Variants in MAGI1 observed in about 807,000 individuals in gnomAD.
The protein encoded by MAGI1 is membrane associated guanylate kinase, WW and PDZ domain containing 1.
In MAGI1, 58 loss-of-function variants were observed where a neutral mutation model predicts 139.9. The observed-to-expected ratio is 0.41, with a 90% CI of 0.34 to 0.52. The LOEUF (loss-of-function observed/expected upper bound fraction) is 0.52. Among genes scored for constraint, MAGI1 ranks in the 20% least tolerant of loss-of-function variants. The pLI is 0.12. For synonymous variants in MAGI1, 812 were observed against 737.9 expected, an observed-to-expected ratio of 1.10 and a Z score of -1.63; for missense variants, 1,874 against 1,901.6, an observed-to-expected ratio of 0.99 and a Z score of 0.27.
At chr3:65,950,059 CA>C (rs1264298678) in intron 1 of MAGI1, among the ~76,000 whole-genome samples, 1 of 13,464 alleles carries the variant, frequency 7.4e-5, no homozygotes, top group African/African-American at 4.3e-4. Context: ...AAAAAAAAAA[CA>C]AAAAAACAAA....
intron 1 of MAGI1, among the ~76,000 whole-genome samples, chr3:66,012,301 C>T (rs1236705426): frequency 6.6e-6 from 1 of 152,064 alleles, no homozygotes; most frequent in Non-Finnish European, 1.5e-5. Flanking sequence ...AGGAATTACA[C>T]CATGATCCAC....
rs1034342942 is a variant in MAGI1, at chr3:65,999,968, C to T, written c.313+38028G>A. Among the ~76,000 whole-genome samples the T allele has an allele frequency of 2.3e-5, 3 of 129,168 alleles. No homozygotes were observed. In the Admixed American group the frequency reaches 2.9e-4, roughly 13 times the overall value. The allele number at this position is 129,168 out of a possible 152,430, so 84.7% of individuals were successfully genotyped here. A position where few individuals can be genotyped will look rare whatever the true frequency, so the allele number is the denominator to read the frequency against. ...CTGGTTAATCAGGTCTTGTTCCCCCCACGCTTTTTTTTTTTTTTTTTTGAT... is the reference window on the plus strand; with the variant it reads ...CTGGTTAATCAGGTCTTGTTCCCCCTACGCTTTTTTTTTTTTTTTTTTGAT... On this transcript the variant is annotated intron_variant, in intron 1 of 22. Coordinates refer to ENST00000402939, the MANE Select transcript of MAGI1 (RefSeq NM_001033057.2).
chr3:65,442,879 A>T (rs1417683486), intron 7 of MAGI1, 30 bp from the exon 8 acceptor site: 1 of 1,583,646 alleles, frequency 6.3e-7, no homozygotes, highest in Non-Finnish European at 8.7e-7. Flanking sequence ...TTAGGGCAAG[A>T]AGAGCATATT....
intron 1 of MAGI1, among the ~76,000 whole-genome samples, chr3:65,733,228 T>C (rs1228183413): frequency 6.6e-6 from 1 of 152,082 alleles, no homozygotes; most frequent in Admixed American, 6.5e-5. Flanking sequence ...CCCGCTAATT[T>C]TTTGTATTTT....
Position 65,944,150 on chromosome 3 carries a change from A to C in MAGI1, c.313+93846T>G, listed in dbSNP as rs1007110898. Among the ~76,000 whole-genome samples, 6 of 152,196 alleles carry C rather than the reference A, an allele frequency of 3.9e-5. No individual in the cohort carries two copies. In the South Asian group the frequency reaches 8.3e-4, roughly 21 times the overall value. ...TTTTGCCATTTCTTAGTAAAATTTA[A>C]TAAAAAGTGACCCTGGATTATTTTT... is the stretch of plus-strand genomic sequence containing the variant. On this transcript the variant is annotated intron_variant, in intron 1 of 22. Coordinates refer to ENST00000402939, the MANE Select transcript of MAGI1 (RefSeq NM_001033057.2).
chr3:65,619,506 G>A (rs781677374), intron 2 of MAGI1, among the ~76,000 whole-genome samples: 13 of 152,054 alleles, frequency 8.5e-5, no homozygotes, highest in African/African-American at 1.4e-4. Context: ...TCAAAATACC[G>A]AAGTCAATGA....
intron 2 of MAGI1, among the ~76,000 whole-genome samples, chr3:65,551,052 G>A (rs1027442007): frequency 1.3e-5 from 2 of 152,184 alleles, no homozygotes; most frequent in Admixed American, 1.3e-4. Context: ...TGTGTCCAGG[G>A]AGAGACCTGT....
intron 13 of MAGI1, among the ~76,000 whole-genome samples, chr3:65,392,649 C>T (rs1254233249): frequency 6.6e-6 from 1 of 152,128 alleles, no homozygotes; most frequent in Admixed American, 6.5e-5. Context: ...CTTTCATTCC[C>T]CTGGAATTCT....
chr3:65,821,440 G>A (rs968512283), intron 1 of MAGI1, among the ~76,000 whole-genome samples: 6 of 152,086 alleles, frequency 3.9e-5, no homozygotes, highest in African/African-American at 1.4e-4. Context: ...CATGCTTCCT[G>A]GAAGTCAACA....
chr3:65,912,585 G>A (rs1176655332), intron 1 of MAGI1, among the ~76,000 whole-genome samples: 1 of 152,170 alleles, frequency 6.6e-6, no homozygotes, highest in East Asian at 1.9e-4. Context: ...GGAAAAGGAA[G>A]ACCAGCACCT....
chr3:65,886,343 A>G (rs2060530966), intron 1 of MAGI1, among the ~76,000 whole-genome samples: 1 of 152,232 alleles, frequency 6.6e-6, no homozygotes, highest in South Asian at 2.1e-4. Flanking sequence ...CATTTGGTAC[A>G]TCAAAGGGAT....
At chr3:65,791,027 G>A (rs998871145) in intron 1 of MAGI1, among the ~76,000 whole-genome samples, 2 of 151,876 alleles carry the variant, frequency 1.3e-5, no homozygotes, top group East Asian at 1.9e-4. Context: ...GTAAGCCAAG[G>A]TCGCATCACT....
At chr3:65,539,536 G>A (rs1160081151) in intron 2 of MAGI1, among the ~76,000 whole-genome samples, 1 of 152,192 alleles carries the variant, frequency 6.6e-6, no homozygotes, top group Non-Finnish European at 1.5e-5. Flanking sequence ...AAAGATGCCT[G>A]TGTCCTTTTA....
In MAGI1 at chr3:65,794,459, C is replaced by G. The variant is rs146838052; in HGVS notation, c.314-172371G>C. Among the ~76,000 whole-genome samples the G allele has an allele frequency of 3.2e-4, 49 of 152,308 alleles. No homozygotes were observed. In the East Asian group the frequency reaches 9.3e-3, roughly 29 times the overall value. On this transcript the variant is annotated intron_variant, in intron 1 of 22. Coordinates refer to ENST00000402939, the MANE Select transcript of MAGI1 (RefSeq NM_001033057.2). ...GCCCAGCAGCCACTTCCCCAGCCCC[C>G]ACCCATAACGCAGCCTCAATCTCTG...
intron 1 of MAGI1, among the ~76,000 whole-genome samples, chr3:65,737,107 C>T (rs971318319): frequency 2.0e-5 from 3 of 152,112 alleles, no homozygotes; most frequent in Admixed American, 6.5e-5. Flanking sequence ...TGGGTTCACA[C>T]CATTCTCCTG....
chr3:65,687,878 T>C, intron 1 of MAGI1: 1 of 630,746 alleles, frequency 1.6e-6, no homozygotes, highest in Admixed American at 1.8e-5. Flanking sequence ...CAGAACTCCG[T>C]TTGGATATCA....
intron 1 of MAGI1, among the ~76,000 whole-genome samples, chr3:65,956,659 T>G (rs1304766351): frequency 6.6e-6 from 1 of 152,180 alleles, no homozygotes; most frequent in Non-Finnish European, 1.5e-5. Flanking sequence ...ACCCATAGAC[T>G]ACTCGTGGTA....
intron 1 of MAGI1, among the ~76,000 whole-genome samples, chr3:65,799,596 G>A (rs1410794680): frequency 2.0e-5 from 3 of 152,138 alleles, no homozygotes; most frequent in Non-Finnish European, 2.9e-5. Context: ...GTATGGGGAA[G>A]AGCAAAGTAT....
At chr3:65,996,274 C>T (rs2107400717) in intron 1 of MAGI1, among the ~76,000 whole-genome samples, 2 of 152,250 alleles carry the variant, frequency 1.3e-5, no homozygotes, top group South Asian at 4.2e-4. Flanking sequence ...AGGTCTTCAC[C>T]TGCAACACAG....
Sources: allele counts gnomAD v4.1 joint callset (sites outside exome capture counted in the v4.1 genomes callset), GRCh38; gene constraint gnomAD v4.1.1; transcripts MANE v1.5; gene names NCBI Gene and HGNC (gene_info 2026-07-23, HGNC 2026-07-21).